C11orf16: variants seen among roughly 807,000 people sequenced by gnomAD.
C11orf16 encodes the protein uncharacterized protein C11orf16.
C11orf16 carries 38 observed loss-of-function variants against 45.1 expected under a neutral mutation model. The observed-to-expected ratio is 0.84, with a 90% confidence interval of 0.65 to 1.10. The LOEUF (loss-of-function observed/expected upper bound fraction) is 1.10. Among genes scored for constraint, C11orf16 ranks in the 50% least tolerant of loss-of-function variants. The pLI is 0.00. For missense variants in C11orf16, 583 were observed against 569.5 expected (o/e 1.02, Z -0.24); for synonymous variants, 221 against 222.0 (o/e 1.00, Z 0.04).
chr11:8,925,584 C>T lies in C11orf16; in HGVS notation c.1083G>A (p.Val361=). ...LEMGPPQRLM[V]NSAVNTDPIF... is the part of the protein sequence containing the mutation. ...TGGGATCTGTGTTGACTGCACTGTTCACCATCAGTCTCTGGGGAGGGCCCA... is the reference window on the plus strand; with the variant it reads ...TGGGATCTGTGTTGACTGCACTGTTTACCATCAGTCTCTGGGGAGGGCCCA... The change falls in exon 5 of 7, where the codon GTG becomes GTA. Residue 361 remains valine, a synonymous_variant. Coordinates refer to ENST00000326053, the MANE Select transcript of C11orf16 (RefSeq NM_020643.3). The T allele has an allele frequency of 1.2e-6, 2 of 1,614,260 alleles. No individual in the cohort carries two copies. The highest frequency in any genetic ancestry group is 1.7e-6 in the Non-Finnish European group (2 of 1,180,046).
intron 3 of C11orf16, chr11:8,927,449 G>A (rs1191202986): frequency 2.0e-6 from 1 of 501,022 alleles, no homozygotes; most frequent in African/African-American, 1.9e-5. Context: ...CCCTTCCTTT[G>A]CCTGGTTTTC....
At chr11:8,921,241 A>C in intron 6 of C11orf16, 53 bp downstream of exon 6, 1 of 1,460,472 alleles carries the variant, frequency 6.8e-7, no homozygotes, top group South Asian at 1.2e-5. Flanking sequence ...CAAAAGGTCT[A>C]AGACCCATGT....
In C11orf16 at chr11:8,929,399, G is replaced by T. The variant is rs1464763260; in HGVS notation, c.302C>A (p.Ala101Asp). 3.7e-6 allele frequency: 6 copies of T among 1,613,874 alleles called. No individual in the cohort carries two copies. The highest frequency in any genetic ancestry group is 5.1e-6 in the Non-Finnish European group (6 of 1,179,950). ...TGCCTCGGGAGTGGCCTTTATTTGG[G>T]CCCGGTAGTAAAAACCATCTGCTTC... is the stretch of plus-strand genomic sequence containing the variant. ...RREADGFYYR[A>D]QIKATPELER... The change falls in exon 3 of 7, where the codon GCC (alanine) becomes GAC (aspartate). Residue 101 changes from alanine to aspartate, a missense_variant. Ala to Asp is a moderately radical substitution (Grantham distance 126). Transcript: ENST00000326053.
In C11orf16 at chr11:8,921,414, T is replaced by C. The variant is rs1030574794; in HGVS notation, c.1306A>G (p.Thr436Ala). Residue 436 changes from threonine to alanine, a missense_variant, in exon 6 of 7, where the codon ACC (threonine) becomes GCC (alanine). Thr to Ala is a moderately conservative substitution (Grantham distance 58). Coordinates refer to ENST00000326053, the MANE Select transcript of C11orf16 (RefSeq NM_020643.3). ...GGGGTCCGCGGTGGCTTCATGTGGG[T>C]TGCTTTCGAGACCAGCTCCTTGGTA... Reference protein sequence around the residue: ...GTTKELVSKATHMKPPRTPPG... With the variant: ...GTTKELVSKAAHMKPPRTPPG... 3.1e-6 allele frequency: 5 copies of C among 1,614,240 alleles called. No homozygotes were observed. Among genetic ancestry groups the C allele is most frequent in the Non-Finnish European group, 3.4e-6 (4 of 1,180,040 alleles).
At position 8,921,334 on chromosome 11, in the gene C11orf16, C is replaced by A; in HGVS notation, c.1386G>T (p.Trp462Cys). 6.2e-7 allele frequency: 1 copy of A among 1,613,432 alleles called. No homozygotes were observed. Among genetic ancestry groups the A allele is most frequent in the Non-Finnish European group, 8.5e-7 (1 of 1,180,038 alleles). Residue 462 changes from tryptophan (W) to cysteine (C), a missense_variant, in exon 6 of 7, where the codon TGG becomes TGT. By Grantham distance (215) the Trp-to-Cys change is radical (BLOSUM62 -2). Transcript: ENST00000326053. ...TCTTAGTCTAACGGGAATTCTTGTTCCACTGACATATTGCAAGGCTCTGAC... is the reference window on the plus strand; with the variant it reads ...TCTTAGTCTAACGGGAATTCTTGTTACACTGACATATTGCAAGGCTCTGAC... ...KRSQSLAICQ[W>C]NKNSR
Position 8,921,432 on chromosome 11 carries a change from C to G in C11orf16, c.1288G>C (p.Glu430Gln), listed in dbSNP as rs368453825. The change falls in exon 6 of 7, where the codon GAG (glutamate) becomes CAG (glutamine). Residue 430 changes from glutamate (E) to glutamine (Q), a missense_variant. Glu to Gln is a conservative substitution (Grantham distance 29). Coordinates refer to ENST00000326053, the MANE Select transcript of C11orf16 (RefSeq NM_020643.3). ...ATGTGGGTTGCTTTCGAGACCAGCT[C>G]CTTGGTAGTCCCCACTACTGCAGTT... is the stretch of plus-strand genomic sequence containing the variant. ...AQTAVVGTTK[E>Q]LVSKATHMKP... The G allele has an allele frequency of 6.8e-6, 11 of 1,614,080 alleles. No individual in the cohort carries two copies. The African/African-American group carries it at 1.5e-4, about 22-fold the overall frequency.
At position 8,925,917 on chromosome 11, in the gene C11orf16, A is replaced by C. The variant is rs1264386712; in HGVS notation, c.750T>G (p.Thr250=). ...GAGGAAGCTCATTAGTGATGCGCCC[A>C]GTGATTGGCCCTAGCAGAGAGCAGC... ...APCCSLLGPI[T]GRITNELPPD... is the part of the protein sequence containing the mutation. The change falls in exon 5 of 7, where the codon ACT becomes ACG. Residue 250 remains threonine (T), a synonymous_variant. Transcript: ENST00000326053. The C allele has an allele frequency of 1.2e-6, 2 of 1,614,224 alleles. No individual in the cohort carries two copies. The highest frequency in any genetic ancestry group is 4.5e-5 in the East Asian group (2 of 44,874).
chr11:8,927,039 T>C lies in C11orf16; in HGVS notation c.460A>G (p.Arg154Gly). Residue 154 changes from arginine (R) to glycine (G), a missense_variant, in exon 4 of 7, where the codon AGA becomes GGA. Coordinates refer to ENST00000326053, the MANE Select transcript of C11orf16 (RefSeq NM_020643.3). ...PLSPSVGYSL[R>G]PGDKVLALWE... ...AGTGCCAGCACCTTATCCCCTGGTC[T>C]CAGTGAGTATCCTACAGATGGTGAG... is the stretch of plus-strand genomic sequence containing the variant. 6.2e-7 allele frequency: 1 copy of C among 1,614,114 alleles called. No individual in the cohort carries two copies. Among genetic ancestry groups the C allele is most frequent in the Non-Finnish European group, 8.5e-7 (1 of 1,180,018 alleles).
chr11:8,929,289 C>T, intron 3 of C11orf16, 88 bp downstream of exon 3: 1 of 1,386,820 alleles, frequency 7.2e-7, no homozygotes, highest in Non-Finnish European at 9.9e-7. Flanking sequence ...AGAAACCAGC[C>T]TGCTAGATGT....
chr11:8,926,181 TTTTC>T (rs2064611663), intron 4 of C11orf16, 74 bp from the exon 5 acceptor site: 15 of 1,259,550 alleles, frequency 1.2e-5, no homozygotes, highest in South Asian at 8.2e-5. Flanking sequence ...TCTTTTTTTC[TTTTC>T]TTTTTTTTTT....
At position 8,925,970 on chromosome 11, in the gene C11orf16, G is replaced by T; in HGVS notation, c.697C>A (p.His233Asn). ...ERLHKSFTRE[H>N]PRPLHWAPCC... is the part of the protein sequence containing the mutation. The stretch of plus-strand genomic sequence containing the variant: ...GGGGCCCAGTGAAGGGGCCTGGGGT[G>T]CTCCCTGGTGAAAGACTTGTGCAGC... Residue 233 changes from histidine to asparagine, a missense_variant, in exon 5 of 7, where the codon CAC (histidine) becomes AAC (asparagine). Physicochemically the swap from His to Asn is moderately conservative, Grantham distance 68. Transcript: ENST00000326053. 1 of 1,614,078 alleles carries T rather than the reference G, an allele frequency of 6.2e-7. No individual in the cohort carries two copies. Among genetic ancestry groups the T allele is most frequent in the South Asian group, 1.1e-5 (1 of 91,072 alleles).
At chr11:8,932,399 C>A in intron 1 of C11orf16, 73 bp from the exon 2 acceptor site, 1 of 1,270,232 alleles carries the variant, frequency 7.9e-7, no homozygotes, top group Non-Finnish European at 1.1e-6. Flanking sequence ...AGGCAGGGCT[C>A]AGCTCTGCAG....
chr11:8,932,824 C>T (rs2064658635), intron 1 of C11orf16, 77 bp downstream of exon 1: 1 of 153,510 alleles, frequency 6.5e-6, no homozygotes, highest in South Asian at 2.1e-4. Context: ...GATCAAGCCG[C>T]ACTGCTGCAG....
chr11:8,928,061 C>G, intron 3 of C11orf16, among the ~76,000 whole-genome samples: 1 of 152,076 alleles, frequency 6.6e-6, no homozygotes, highest in East Asian at 1.9e-4. Flanking sequence ...GAGCCCACCA[C>G]CTGGCTCAGC....
At chr11:8,921,631 T>G in intron 5 of C11orf16, 116 bp from the exon 6 acceptor site, 1 of 978,054 alleles carries the variant, frequency 1.0e-6, no homozygotes, top group Non-Finnish European at 1.5e-6. Context: ...TTCTTTTCAT[T>G]TATTATGTAT....
rs1390450059 is a variant in C11orf16 at position 8,926,037 on chromosome 11, G to C, written c.630C>G (p.Val210=). 3.1e-6 allele frequency: 5 copies of C among 1,614,066 alleles called. No homozygotes were observed. The highest frequency in any genetic ancestry group is 1.3e-5 in the African/African-American group (1 of 75,048). The change falls in exon 5 of 7, where the codon GTC becomes GTG. Residue 210 remains valine, a synonymous_variant. Coordinates refer to ENST00000326053, the MANE Select transcript of C11orf16 (RefSeq NM_020643.3). The part of the protein sequence containing the change: ...GKAAKVPLGG[V]QSVSLTIWKK... ...TCCAGATGGTCAGGGACACCGACTG[G>C]ACCCCACCTAGGGGCACTTTAGCAG...
chr11:8,932,838 AC>A (rs1339512057), intron 1 of C11orf16, 62 bp downstream of exon 1: 2 of 153,348 alleles, frequency 1.3e-5, no homozygotes, highest in East Asian at 3.9e-4. Flanking sequence ...GCTGCAGCCC[AC>A]CAGAGCCCCG....
chr11:8,922,492 A>C (rs1302307396), intron 5 of C11orf16, among the ~76,000 whole-genome samples: 1 of 152,220 alleles, frequency 6.6e-6, no homozygotes, highest in African/African-American at 2.4e-5. Flanking sequence ...TACAGATTGA[A>C]TCCTGTTTCA....
chr11:8,929,400 C>A lies in C11orf16; in HGVS notation c.301G>T (p.Ala101Ser), dbSNP rs1171182716. Residue 101 changes from alanine (A) to serine (S), a missense_variant, in exon 3 of 7, where the codon GCC (alanine) becomes TCC (serine). By Grantham distance (99) the Ala-to-Ser change is moderately conservative. Transcript: ENST00000326053. ...GCCTCGGGAGTGGCCTTTATTTGGG[C>A]CCGGTAGTAAAAACCATCTGCTTCC... Reference protein sequence around the residue: ...RREADGFYYRAQIKATPELER... With the variant: ...RREADGFYYRSQIKATPELER... 1.9e-6 allele frequency: 3 copies of A among 1,613,758 alleles called. No individual in the cohort carries two copies. Among genetic ancestry groups the A allele is most frequent in the East Asian group, 2.2e-5 (1 of 44,866 alleles).
Sources: gnomAD v4.1 joint callset for allele counts (sites outside exome capture counted in the v4.1 genomes callset) on GRCh38, gnomAD v4.1.1 for gene constraint, MANE v1.5 for transcripts, NCBI Gene and HGNC (gene_info 2026-07-23, HGNC 2026-07-21) for gene names.